The following STAB2 variants were observed in gnomAD, a reference collection of about 807,000 sequenced individuals.
STAB2 encodes the protein stabilin 2, also known as stabilin-2.
STAB2 carries 288 observed loss-of-function variants against 338.1 expected under a neutral mutation model. That is an observed-to-expected ratio of 0.85 (90% CI 0.77 to 0.94). STAB2 has a LOEUF of 0.94. Among genes scored for constraint, STAB2 ranks in the 40% least tolerant of loss-of-function variants. STAB2 has a pLI of 0.00. For missense variants in STAB2, 3,141 were observed against 3,210.1 expected, an observed-to-expected ratio of 0.98 and a Z score of 0.52; for synonymous variants, 1,202 against 1,193.3, an observed-to-expected ratio of 1.01 and a Z score of -0.15.
chr12:103,620,283 G>A (rs1011763900), intron 3 of STAB2, among the ~76,000 whole-genome samples, 185 bp from the exon 4 acceptor site: 1 of 151,876 alleles, frequency 6.6e-6, no homozygotes, highest in African/African-American at 2.4e-5. Context: ...TACAGCACAT[G>A]ACCACATTGC....
intron 56 of STAB2, among the ~76,000 whole-genome samples, chr12:103,743,402 C>A (rs1210309817): frequency 6.6e-6 from 1 of 152,022 alleles, no homozygotes; most frequent in African/African-American, 2.4e-5. Context: ...CTTACAGACA[C>A]AAATTTTTCT....
chr12:103,713,671 A>T lies in STAB2; in HGVS notation c.4440A>T (p.Gly1480=). The T allele has an allele frequency of 1.2e-6, 2 of 1,614,018 alleles. No homozygotes were observed. The highest frequency in any genetic ancestry group is 1.7e-6 in the Non-Finnish European group (2 of 1,179,952). ...TAINACEISN[G]GCSAKADCKR... ...TCAATGCCTGTGAGATCAGCAATGG[A>T]GGTTGCTCTGCCAAGGCTGACTGTA... is the stretch of plus-strand genomic sequence containing the variant. The change falls in exon 42 of 69, where the codon GGA becomes GGT. Residue 1480 remains glycine (G), a synonymous_variant. Transcript: ENST00000388887.
At chr12:103,646,223 A>G (rs747497004) in intron 9 of STAB2, among the ~76,000 whole-genome samples, 6 of 152,214 alleles carry the variant, frequency 3.9e-5, no homozygotes, top group Non-Finnish European at 8.8e-5. Context: ...CTAGAATTAA[A>G]TATTACTTTC....
intron 25 of STAB2, 72 bp from the exon 26 acceptor site, chr12:103,683,133 T>G: frequency 1.5e-6 from 2 of 1,354,592 alleles, no homozygotes; most frequent in Non-Finnish European, 2.1e-6. Flanking sequence ...CGTTTCTCAG[T>G]GCTGTGTGAG....
intron 30 of STAB2, 119 bp downstream of exon 30, chr12:103,690,657 T>A (rs1593240471): frequency 3.8e-6 from 3 of 784,466 alleles, no homozygotes; most frequent in Non-Finnish European, 6.1e-6. Flanking sequence ...GAGAACAGAA[T>A]CCCTCATGTG....
chr12:103,680,688 T>C (rs549758299), intron 25 of STAB2, among the ~76,000 whole-genome samples: 18 of 152,200 alleles, frequency 1.2e-4, no homozygotes, highest in Non-Finnish European at 1.9e-4. Flanking sequence ...GGGTGGAAGA[T>C]GCAGTGATAA....
rs1202267454 is a variant in STAB2, at chr12:103,753,335, G to C, written c.6696G>C (p.Gln2232His). 6.2e-7 allele frequency: 1 copy of C among 1,614,242 alleles called. No homozygotes were observed. The change falls in exon 61 of 69, where the codon CAG becomes CAC. Residue 2232 changes from glutamine (Q) to histidine (H), a missense_variant. By Grantham distance (24) the Gln-to-His change is conservative. Transcript: ENST00000388887. ...NEAATMATYN[Q>H]LSYAQKAKYH... ...CTGCGACCATGGCAACCTACAACCA[G>C]CTCTCCTATGCCCAGAAGGTGGGTC...
At chr12:103,644,799 A>T (rs1473182451) in intron 9 of STAB2, among the ~76,000 whole-genome samples, 1 of 152,218 alleles carries the variant, frequency 6.6e-6, no homozygotes, top group East Asian at 1.9e-4. Context: ...TAAATAACTG[A>T]AAGAGTATAA....
At chr12:103,728,487 C>T (rs529292443) in intron 47 of STAB2, among the ~76,000 whole-genome samples, 20 of 152,328 alleles carry the variant, frequency 1.3e-4, no homozygotes, top group South Asian at 6.2e-4. Flanking sequence ...GCACTGATAC[C>T]TCTCCAAGAG....
intron 4 of STAB2, among the ~76,000 whole-genome samples, chr12:103,621,050 T>C (rs1957293335): frequency 6.6e-6 from 1 of 152,066 alleles, no homozygotes; most frequent in East Asian, 1.9e-4. Flanking sequence ...TGAGCTGAGA[T>C]TGTGCCATTG....
chr12:103,763,413 C>A, intron 67 of STAB2, 79 bp from the exon 68 acceptor site: 1 of 1,271,758 alleles, frequency 7.9e-7, no homozygotes, highest in Non-Finnish European at 1.1e-6. Context: ...CAAAGGGTGG[C>A]TTGCTTTACC....
At chr12:103,592,271 A>G (rs2138531154) in intron 2 of STAB2, 1 of 152,322 alleles carries the variant, frequency 6.6e-6, no homozygotes, top group South Asian at 2.1e-4. Context: ...AAGAAAAAAA[A>G]ATTAGCAAGC....
At chr12:103,744,634 T>C (rs1442893015) in intron 56 of STAB2, among the ~76,000 whole-genome samples, 2 of 151,714 alleles carry the variant, frequency 1.3e-5, no homozygotes, top group East Asian at 1.9e-4. Context: ...ATCTGGCTAA[T>C]TTTTGTTTGT....
chr12:103,758,382 C>A, intron 64 of STAB2, 93 bp downstream of exon 64: 1 of 1,572,946 alleles, frequency 6.4e-7, no homozygotes, highest in South Asian at 1.1e-5. Flanking sequence ...AACTCAGTGG[C>A]TACACATTTA....
intron 3 of STAB2, among the ~76,000 whole-genome samples, chr12:103,601,375 T>C (rs1025416510): frequency 1.3e-5 from 2 of 152,304 alleles, no homozygotes; most frequent in East Asian, 3.9e-4. Context: ...GCAGATATCT[T>C]GAGGTCAGGA....
chr12:103,703,494 A>G (rs924051725), intron 35 of STAB2, among the ~76,000 whole-genome samples: 6 of 152,136 alleles, frequency 3.9e-5, no homozygotes, highest in African/African-American at 1.2e-4. Flanking sequence ...GATCTAGTGC[A>G]AGAGGTTGTA....
chr12:103,708,481 G>T lies in STAB2; in HGVS notation c.4233G>T (p.Leu1411Phe), dbSNP rs141060157. ...CVHGRCNQGP[L>F]GDGSCDCDVG... ...ATGGGAGATGCAACCAAGGACCCTT[G>T]GGAGATGGCTCCTGTGACTGTGATG... The change falls in exon 39 of 69, where the codon TTG becomes TTT. Residue 1411 changes from leucine (L) to phenylalanine (F), a missense_variant. Coordinates refer to ENST00000388887, the MANE Select transcript of STAB2 (RefSeq NM_017564.10). The T allele has an allele frequency of 7.7e-5, 125 of 1,614,120 alleles. No individual in the cohort carries two copies. The African/African-American group carries it at 1.5e-3, about 20-fold the overall frequency.
Position 103,735,600 on chromosome 12 carries a change from G to T in STAB2, c.5550+20G>T. 1 of 1,480,070 alleles carries T rather than the reference G, an allele frequency of 6.8e-7. No homozygotes were observed. The highest frequency in any genetic ancestry group is 9.3e-7 in the Non-Finnish European group (1 of 1,070,552). 91.7% of individuals were successfully genotyped at this position (1,480,070 alleles called of 1,614,324 possible). A position where few individuals can be genotyped will look rare whatever the true frequency, so the allele number is the denominator to read the frequency against. On this transcript the variant is annotated intron_variant, in intron 52 of 68. Transcript: ENST00000388887. Reference sequence around the variant, plus strand: ...GACATCGTGAGTATCATCATGAAGGGTGGGCAGGGAGGGGTTAACACATTC... The same window carrying T: ...GACATCGTGAGTATCATCATGAAGGTTGGGCAGGGAGGGGTTAACACATTC...
In STAB2 at chr12:103,650,819, C is replaced by T. The variant is rs573235772; in HGVS notation, c.1257+241C>T. ...AACCTACTTGTGTAAACACCAAGTCCATTGCCAGCAACCTAGAAGGCCCCC... is the reference window on the plus strand; with the variant it reads ...AACCTACTTGTGTAAACACCAAGTCTATTGCCAGCAACCTAGAAGGCCCCC... On this transcript the variant is annotated intron_variant, in intron 11 of 68. Coordinates refer to ENST00000388887, the MANE Select transcript of STAB2 (RefSeq NM_017564.10). Among the ~76,000 whole-genome samples, 121 of 152,258 alleles carry T rather than the reference C, an allele frequency of 7.9e-4. 2 individuals are homozygous for T. The highest frequency in any genetic ancestry group is 5.9e-4 in the Non-Finnish European group (40 of 68,008).
Sources: allele counts gnomAD v4.1 joint callset (sites outside exome capture counted in the v4.1 genomes callset), GRCh38; gene constraint gnomAD v4.1.1; transcripts MANE v1.5; gene names NCBI Gene and HGNC (gene_info 2026-07-23, HGNC 2026-07-21).